The following ANKRD44 variants were observed in gnomAD, a reference collection of about 807,000 sequenced individuals.
ANKRD44 encodes the protein serine/threonine-protein phosphatase 6 regulatory ankyrin repeat subunit B.
ANKRD44 carries 35 observed loss-of-function variants against 116.0 expected under a neutral mutation model. The observed-to-expected ratio is 0.30, with a 90% CI of 0.23 to 0.40. ANKRD44 has a LOEUF of 0.40. Ranked by LOEUF, ANKRD44 falls within the 10% of genes least tolerant of loss-of-function variation. The pLI, the probability that ANKRD44 is intolerant of heterozygous loss-of-function variation, is 1.00. For missense variants in ANKRD44, 1,014 were observed against 1,242.6 expected (o/e 0.82, Z 2.77); for synonymous variants, 435 against 461.8 (o/e 0.94, Z 0.74).
intron 1 of ANKRD44, among the ~76,000 whole-genome samples, chr2:197,224,493 T>C (rs1256066448): frequency 6.6e-6 from 1 of 152,198 alleles, no homozygotes; most frequent in Non-Finnish European, 1.5e-5. Context: ...TCTAAGATTG[T>C]CCTTGTGTAT....
intron 10 of ANKRD44, among the ~76,000 whole-genome samples, chr2:197,092,645 T>C (rs1304279910): frequency 6.6e-6 from 1 of 152,178 alleles, no homozygotes; most frequent in Non-Finnish European, 1.5e-5. Flanking sequence ...AGTGATGCAA[T>C]TTGCTCATCT....
chr2:197,119,346 A>G (rs1012830743), intron 8 of ANKRD44, among the ~76,000 whole-genome samples: 9 of 152,190 alleles, frequency 5.9e-5, no homozygotes, highest in African/African-American at 1.2e-4. Context: ...ATCATCCAGT[A>G]GATGAGTCCT....
At chr2:197,092,315 G>A (rs1242369219) in intron 10 of ANKRD44, among the ~76,000 whole-genome samples, 7 of 152,250 alleles carry the variant, frequency 4.6e-5, no homozygotes, top group Non-Finnish European at 1.0e-4. Flanking sequence ...AAAGTGGCCC[G>A]TTTTCAGACT....
At chr2:197,304,041 T>C (rs548976330) in intron 1 of ANKRD44, among the ~76,000 whole-genome samples, 2 of 152,284 alleles carry the variant, frequency 1.3e-5, no homozygotes, top group African/African-American at 4.8e-5. Context: ...TGTGGTGGCT[T>C]ACCCCTGTAA....
At chr2:197,263,818 T>G (rs1251802602) in intron 1 of ANKRD44, among the ~76,000 whole-genome samples, 3 of 152,086 alleles carry the variant, frequency 2.0e-5, no homozygotes, top group African/African-American at 7.2e-5. Flanking sequence ...CTCTCCTCTA[T>G]AGTAACAGAA....
At chr2:197,252,402 G>A (rs1206978141) in intron 1 of ANKRD44, among the ~76,000 whole-genome samples, 1 of 142,330 alleles carries the variant, frequency 7.0e-6, no homozygotes, top group African/African-American at 2.6e-5. Context: ...ATATATATAT[G>A]TAATTTTTTT....
chr2:197,227,682 T>C (rs375905660), intron 1 of ANKRD44, among the ~76,000 whole-genome samples: 1 of 151,066 alleles, frequency 6.6e-6, no homozygotes. Context: ...AACGGGAGAG[T>C]TGAATGATCA....
chr2:197,264,874 C>T (rs866857163), intron 1 of ANKRD44, among the ~76,000 whole-genome samples: 1 of 152,150 alleles, frequency 6.6e-6, no homozygotes, highest in Non-Finnish European at 1.5e-5. Flanking sequence ...GTCAAAGTTA[C>T]CAGGTCAGCT....
chr2:196,995,912 A>G (rs570958956), intron 25 of ANKRD44, among the ~76,000 whole-genome samples: 14 of 152,342 alleles, frequency 9.2e-5, no homozygotes, highest in Non-Finnish European at 1.8e-4. Flanking sequence ...TATTATCTAT[A>G]TCATTCATCA....
At chr2:197,137,371 G>T (rs1408543384) in intron 3 of ANKRD44, among the ~76,000 whole-genome samples, 1 of 152,160 alleles carries the variant, frequency 6.6e-6, no homozygotes, top group Non-Finnish European at 1.5e-5. Flanking sequence ...ACAAATCAAA[G>T]AAACTAGAAA....
chr2:197,013,442 G>A lies in ANKRD44; in HGVS notation c.1924+69C>T. The A allele has an allele frequency of 2.7e-6, 4 of 1,494,738 alleles. No homozygotes were observed. The Admixed American group carries it at 7.6e-5, about 28-fold the overall frequency. 92.6% of individuals were successfully genotyped at this position (1,494,738 alleles called of 1,614,324 possible). A position where few individuals can be genotyped will look rare whatever the true frequency, so the allele number is the denominator to read the frequency against. On this transcript the variant is annotated intron_variant, in intron 18 of 27. Coordinates refer to ENST00000282272, the MANE Select transcript of ANKRD44 (RefSeq NM_001195144.2). ...AAAAACTGGGATGAAAGAAGATGCT[G>A]CTTTCCTTCTATTAAAACTTACGAA... is the stretch of plus-strand genomic sequence containing the variant.
intron 20 of ANKRD44, among the ~76,000 whole-genome samples, chr2:197,006,239 G>GTCCTGACTAACATGGTGAAACCTGTT (rs1317839012): frequency 2.6e-5 from 4 of 151,916 alleles, no homozygotes; most frequent in African/African-American, 9.7e-5. Flanking sequence ...TCAGGAGATC[G>GTCCTGACTAACATGGTGAAACCTGTT]AGACCATCCT....
chr2:196,995,544 T>C, intron 25 of ANKRD44, 83 bp from the exon 26 acceptor site: 1 of 1,031,946 alleles, frequency 9.7e-7, no homozygotes, highest in South Asian at 1.5e-5. Context: ...TGATTTAAAT[T>C]GAAAATGAAT....
Position 197,121,411 on chromosome 2 carries a change from A to G in ANKRD44, c.827T>C (p.Leu276Ser). 6.2e-7 allele frequency: 1 copy of G among 1,614,234 alleles called. No homozygotes were observed. The highest frequency in any genetic ancestry group is 1.1e-5 in the South Asian group (1 of 91,086). The part of the protein sequence containing the change: ...NQPNNNGFTP[L>S]HFAAASTHGA... ...ATGAGTGGAGGCAGCAGCAAAATGC[A>G]AAGGGGTGAACCCATTATTGTTTGG... Residue 276 changes from leucine to serine, a missense_variant, in exon 8 of 28, where the codon TTG becomes TCG. Physicochemically the swap from Leu to Ser is moderately radical, Grantham distance 145. Coordinates refer to ENST00000282272, the MANE Select transcript of ANKRD44 (RefSeq NM_001195144.2).
chr2:197,033,752 A>C (rs2076753008), intron 16 of ANKRD44, among the ~76,000 whole-genome samples: 1 of 150,874 alleles, frequency 6.6e-6, no homozygotes, highest in Non-Finnish European at 1.5e-5. Context: ...TTTTCTAAGG[A>C]GTGGTTAGTA....
Position 197,022,367 on chromosome 2 carries a change from T to C in ANKRD44, c.1722+2829A>G, listed in dbSNP as rs2076513454. On this transcript the variant is annotated intron_variant, in intron 17 of 27. Coordinates refer to ENST00000282272, the MANE Select transcript of ANKRD44 (RefSeq NM_001195144.2). Reference sequence around the variant, plus strand: ...GTTCCCTTGCAATTTTGACTCAACATAGAAACTAAAGTGATCCTTTTAAAA... The same window carrying C: ...GTTCCCTTGCAATTTTGACTCAACACAGAAACTAAAGTGATCCTTTTAAAA... 2.6e-5 allele frequency among the ~76,000 whole-genome samples: 4 copies of C among 152,242 alleles called. 1 individual carries two copies. Among genetic ancestry groups the C allele is most frequent in the African/African-American group, 9.6e-5 (4 of 41,462 alleles).
chr2:197,123,783 G>T (rs965117874), intron 6 of ANKRD44, among the ~76,000 whole-genome samples: 2 of 152,140 alleles, frequency 1.3e-5, no homozygotes, highest in African/African-American at 4.8e-5. Context: ...TTGTGTGTGT[G>T]TTGGGGTGGG....
chr2:196,999,126 G>T, intron 23 of ANKRD44, 74 bp from the exon 24 acceptor site: 1 of 1,555,488 alleles, frequency 6.4e-7, no homozygotes, highest in Non-Finnish European at 8.7e-7. Flanking sequence ...CAAGAAACAT[G>T]CACAAGGTGT....
chr2:197,282,725 A>G (rs985635076), intron 1 of ANKRD44, among the ~76,000 whole-genome samples: 16 of 152,200 alleles, frequency 1.1e-4, no homozygotes, highest in African/African-American at 3.6e-4. Context: ...TTGGGAGGCC[A>G]AGACGAGCAG....
Sources: gnomAD v4.1 joint callset for allele counts (sites outside exome capture counted in the v4.1 genomes callset) on GRCh38, gnomAD v4.1.1 for gene constraint, MANE v1.5 for transcripts, NCBI Gene and HGNC (gene_info 2026-07-23, HGNC 2026-07-21) for gene names.